The following COX18 variants were observed in gnomAD, a reference collection of about 807,000 sequenced individuals.
The protein encoded by COX18 is cytochrome c oxidase assembly protein COX18, mitochondrial.
In COX18, 45 loss-of-function variants were observed where a neutral mutation model predicts 38.0. That is an observed-to-expected ratio of 1.18 (90% CI 0.93 to 1.52). COX18 has a LOEUF of 1.52. COX18 is among the 40% of genes most tolerant of loss of function. The pLI, the probability that COX18 is intolerant of heterozygous loss-of-function variation, is 0.00. For missense variants in COX18, 462 were observed against 423.8 expected (o/e 1.09, Z -0.79); for synonymous variants, 177 against 169.8 (o/e 1.04, Z -0.33).
rs1229467500 is a variant in COX18 at position 73,058,190 on chromosome 4, G to A, written c.929C>T (p.Ser310Leu). ...AGGAGTTTCTGAATCTGACTTGGTC[G>A]ATGGTATTCGGCAAAGTTGGCGAAA... Reference protein sequence around the residue: ...PGFRQLCRIPSTKSDSETPYK... With the variant: ...PGFRQLCRIPLTKSDSETPYK... Residue 310 changes from serine (S) to leucine (L), a missense_variant, in exon 6 of 6, where the codon TCG becomes TTG. By Grantham distance (145) the Ser-to-Leu change is moderately radical (BLOSUM62 -2). Transcript: ENST00000507544. 34 of 1,613,554 alleles carry A rather than the reference G, an allele frequency of 2.1e-5. No individual in the cohort carries two copies. Among genetic ancestry groups the A allele is most frequent in the Non-Finnish European group, 2.8e-5 (33 of 1,179,664 alleles).
intron 4 of COX18, 94 bp from the exon 5 acceptor site, chr4:73,062,014 C>T: frequency 2.2e-6 from 1 of 455,452 alleles, no homozygotes. Context: ...TCACTGGCCT[C>T]CATCTACACT....
chr4:73,059,360 G>C (rs1042379929), intron 5 of COX18, among the ~76,000 whole-genome samples: 2 of 152,200 alleles, frequency 1.3e-5, no homozygotes, highest in African/African-American at 2.4e-5. Flanking sequence ...CATCTGTAAA[G>C]TGGGGACAGT....
intron 5 of COX18, among the ~76,000 whole-genome samples, 173 bp downstream of exon 5, chr4:73,061,640 G>A (rs551830011): frequency 3.3e-5 from 5 of 151,094 alleles, no homozygotes; most frequent in South Asian, 4.2e-4. Flanking sequence ...CCCAGGAGGC[G>A]GAGCTTGCAG....
chr4:73,059,740 CA>C (rs1720057790), intron 5 of COX18, among the ~76,000 whole-genome samples: 1 of 152,074 alleles, frequency 6.6e-6, no homozygotes, highest in South Asian at 2.1e-4. Context: ...GTGCTTAGCA[CA>C]AAGTCAGTGT....
chr4:73,069,171 A>T (rs1720621779), intron 1 of COX18, 146 bp downstream of exon 1: 1 of 627,068 alleles, frequency 1.6e-6, no homozygotes, highest in Non-Finnish European at 2.7e-6. Flanking sequence ...TAACGCTAAA[A>T]TGGTCACAAT....
In COX18 at chr4:73,054,606, A is replaced by G. The variant is rs1326365887; in HGVS notation, c.*3508T>C. On this transcript the variant is annotated 3_prime_UTR_variant, in exon 6 of 6. Coordinates refer to ENST00000507544, the MANE Select transcript of COX18 (RefSeq NM_001297732.2). Reference sequence around the variant, plus strand: ...AAATTTCAAGTTTGAAAGTTTGACAATGGGAGAGCAACAGGAAACTAAGCA... The same window carrying G: ...AAATTTCAAGTTTGAAAGTTTGACAGTGGGAGAGCAACAGGAAACTAAGCA... 2 of 152,228 alleles carry G rather than the reference A, an allele frequency of 1.3e-5. No homozygotes were observed. Among genetic ancestry groups the G allele is most frequent in the African/African-American group, 2.4e-5 (1 of 41,468 alleles). The allele number at this position is 152,228 out of a possible 1,614,324, so 9.4% of individuals were successfully genotyped here. A position where few individuals can be genotyped will look rare whatever the true frequency, so the allele number is the denominator to read the frequency against.
chr4:73,067,864 A>AAAAAAAAT, intron 2 of COX18, among the ~76,000 whole-genome samples, 165 bp downstream of exon 2: 41 of 20,018 alleles, frequency 2.0e-3, no homozygotes, highest in Non-Finnish European at 2.6e-3. Context: ...AAAAAAAAAA[A>AAAAAAAAT]ATATATATAT....
At position 73,069,480 on chromosome 4, in the gene COX18, G is replaced by A. The variant is rs1277107478; in HGVS notation, c.170C>T (p.Ala57Val). The stretch of plus-strand genomic sequence containing the variant: ...CCGCACCGGCGAAGACGCGGCCAGG[G>A]CCTCGTACCAGCCGTTCGCATGTAC... ...SAVHANGWYE[A>V]LAASSPVRVA... Residue 57 changes from alanine (A) to valine (V), a missense_variant, in exon 1 of 6, where the codon GCC becomes GTC. Physicochemically the swap from Ala to Val is moderately conservative, Grantham distance 64. Transcript: ENST00000507544. 4 of 1,592,962 alleles carry A rather than the reference G, an allele frequency of 2.5e-6. No individual in the cohort carries two copies. The African/African-American group carries it at 4.0e-5, about 16-fold the overall frequency.
At chr4:73,063,198 C>T (rs1162987142) in intron 4 of COX18, among the ~76,000 whole-genome samples, 5 of 151,648 alleles carry the variant, frequency 3.3e-5, no homozygotes, top group Admixed American at 6.6e-5. Context: ...CCCAGCTACT[C>T]GAGAGGCTGA....
At chr4:73,066,386 C>G (rs1489239796) in intron 2 of COX18, among the ~76,000 whole-genome samples, 1 of 152,156 alleles carries the variant, frequency 6.6e-6, no homozygotes, top group Non-Finnish European at 1.5e-5. Context: ...AGACTCAATA[C>G]TATTGAAAAT....
chr4:73,066,622 C>T (rs555958158), intron 2 of COX18, among the ~76,000 whole-genome samples: 93 of 152,344 alleles, frequency 6.1e-4, no homozygotes, highest in African/African-American at 2.1e-3. Flanking sequence ...ATCTGCACAA[C>T]CATCCTGCCA....
chr4:73,062,779 G>C (rs1412247906), intron 4 of COX18, among the ~76,000 whole-genome samples: 2 of 151,500 alleles, frequency 1.3e-5, no homozygotes, highest in Admixed American at 1.3e-4. Flanking sequence ...ACAGGTTGCA[G>C]TGAGCTGAGA....
intron 2 of COX18, among the ~76,000 whole-genome samples, 165 bp downstream of exon 2, chr4:73,067,864 A>AAAAAAAATAAATATATATATATAT: frequency 5.0e-5 from 1 of 20,010 alleles, no homozygotes; most frequent in African/African-American, 9.1e-5. Flanking sequence ...AAAAAAAAAA[A>AAAAAAAATAAATATATATATATAT]ATATATATAT....
At position 73,055,500 on chromosome 4, in the gene COX18, T is replaced by C. The variant is rs1288729184; in HGVS notation, c.*2614A>G. The C allele has an allele frequency of 6.6e-6, 1 of 152,200 alleles. No individual in the cohort carries two copies. The highest frequency in any genetic ancestry group is 1.9e-4 in the East Asian group (1 of 5,194). The allele number at this position is 152,200 out of a possible 1,614,324, so 9.4% of individuals were successfully genotyped here. Reference sequence around the variant, plus strand: ...GTGCATGAATGAAGCTTATCTAATATACTTATTTTCTCCTAAGCCTTCCTG... The same window carrying C: ...GTGCATGAATGAAGCTTATCTAATACACTTATTTTCTCCTAAGCCTTCCTG... On this transcript the variant is annotated 3_prime_UTR_variant, in exon 6 of 6. Coordinates refer to ENST00000507544, the MANE Select transcript of COX18 (RefSeq NM_001297732.2).
Position 73,060,488 on chromosome 4 carries a change from A to G in COX18, c.831+1325T>C, listed in dbSNP as rs76424262. Among the ~76,000 whole-genome samples, 97 of 152,334 alleles carry G rather than the reference A, an allele frequency of 6.4e-4. 3 individuals are homozygous for G. The East Asian group carries it at 0.018, about 28-fold the overall frequency. ...ATTATGATATCTATTTTAGAGATGA[A>G]CAAACTTATTCTGCATAGGATTAAT... On this transcript the variant is annotated intron_variant, in intron 5 of 5. Transcript: ENST00000507544.
rs568316812 is a variant in COX18 at position 73,067,514 on chromosome 4, G to A, written c.434+515C>T. Reference sequence around the variant, plus strand: ...TTTCTTTGCTTTCAGTCCAGCATATGAAACTATCATGCCATATTAATAACT... The same window carrying A: ...TTTCTTTGCTTTCAGTCCAGCATATAAAACTATCATGCCATATTAATAACT... On this transcript the variant is annotated intron_variant, in intron 2 of 5. Transcript: ENST00000507544. 5.5e-4 allele frequency among the ~76,000 whole-genome samples: 83 copies of A among 152,150 alleles called. 1 individual carries two copies. In the South Asian group the frequency reaches 0.016, roughly 29 times the overall value.
Position 73,069,357 on chromosome 4 carries a change from G to A in COX18, c.293C>T (p.Thr98Met). The A allele has an allele frequency of 6.4e-7, 1 of 1,553,852 alleles. No homozygotes were observed. The highest frequency in any genetic ancestry group is 8.7e-7 in the Non-Finnish European group (1 of 1,149,684). ...GTGCTGGTAGGCTGCCAAAGGCAGC[G>A]TGACAGCACCCCGTAAGGCCACGGT... ...LSTVALRGAV[T>M]LPLAAYQHYI... Residue 98 changes from threonine to methionine, a missense_variant, in exon 1 of 6, where the codon ACG becomes ATG. Coordinates refer to ENST00000507544, the MANE Select transcript of COX18 (RefSeq NM_001297732.2).
In COX18 at chr4:73,069,702, C is replaced by A; in HGVS notation, c.-53G>T. 2.0e-6 allele frequency: 3 copies of A among 1,506,456 alleles called. No individual in the cohort carries two copies. The highest frequency in any genetic ancestry group is 1.8e-6 in the Non-Finnish European group (2 of 1,120,834). The allele number at this position is 1,506,456 out of a possible 1,614,324, so 93.3% of individuals were successfully genotyped here. A position where few individuals can be genotyped will look rare whatever the true frequency, so the allele number is the denominator to read the frequency against. ...CGGGCCTCACAATCCAGCGGACATA[C>A]ACCGGCCAGCCAAGGCTGATACGCG... On this transcript the variant is annotated 5_prime_UTR_variant, in exon 1 of 6. Coordinates refer to ENST00000507544, the MANE Select transcript of COX18 (RefSeq NM_001297732.2).
intron 2 of COX18, among the ~76,000 whole-genome samples, chr4:73,066,599 T>C (rs1239070554): frequency 6.6e-6 from 1 of 152,180 alleles, no homozygotes; most frequent in Non-Finnish European, 1.5e-5. Flanking sequence ...GAAAGAAACA[T>C]CTGTAAGGCT....
Sources: gnomAD v4.1 joint callset for allele counts (sites outside exome capture counted in the v4.1 genomes callset) on GRCh38, gnomAD v4.1.1 for gene constraint, MANE v1.5 for transcripts, NCBI Gene and HGNC (gene_info 2026-07-23, HGNC 2026-07-21) for gene names.